RAB28: variants seen among roughly 807,000 people sequenced by gnomAD.
RAB28 encodes RAB28, member RAS oncogene family, also known as ras-related protein Rab-28.
Under a neutral mutation model 31.7 loss-of-function variants are expected in RAB28, and 24 were observed. That is an observed-to-expected ratio of 0.76 (90% CI 0.55 to 1.06). The LOEUF (loss-of-function observed/expected upper bound fraction) is 1.06. Ranked by LOEUF, RAB28 falls within the 50% of genes least tolerant of loss-of-function variation. RAB28 has a pLI of 0.00. For synonymous variants in RAB28, 100 were observed against 90.4 expected (o/e 1.11, Z -0.60); for missense variants, 254 against 258.5 (o/e 0.98, Z 0.12).
intron 4 of RAB28, among the ~76,000 whole-genome samples, chr4:13,430,866 A>C (rs1318378137): frequency 6.6e-6 from 1 of 152,126 alleles, no homozygotes. Context: ...AGCCCACCAA[A>C]ACCCACCTTG....
intron 4 of RAB28, among the ~76,000 whole-genome samples, chr4:13,425,071 C>A (rs1039616769): frequency 2.0e-5 from 3 of 152,156 alleles, no homozygotes; most frequent in Admixed American, 6.6e-5. Context: ...TGAGTTGTTG[C>A]TAAATCCAGC....
intron 4 of RAB28, among the ~76,000 whole-genome samples, chr4:13,420,983 C>T (rs1250747745): frequency 6.6e-6 from 1 of 152,154 alleles, no homozygotes; most frequent in East Asian, 1.9e-4. Flanking sequence ...TTGCAGATGA[C>T]ATGATTGTAT....
chr4:13,380,086 C>T (rs1484197691), intron 5 of RAB28, among the ~76,000 whole-genome samples: 1 of 151,970 alleles, frequency 6.6e-6, no homozygotes, highest in Non-Finnish European at 1.5e-5. Flanking sequence ...GGTAGAAGCC[C>T]AGTGAATCCA....
chr4:13,413,489 G>C (rs1031863211), intron 4 of RAB28, among the ~76,000 whole-genome samples: 4 of 152,096 alleles, frequency 2.6e-5, no homozygotes, highest in Non-Finnish European at 5.9e-5. Context: ...TTTGTAAAAA[G>C]AAGACTACTC....
chr4:13,477,445 T>C (rs541032894), intron 2 of RAB28, among the ~76,000 whole-genome samples: 1 of 151,782 alleles, frequency 6.6e-6, no homozygotes, highest in East Asian at 1.9e-4. Context: ...CAGCTAATGA[T>C]ACATTAATCA....
intron 4 of RAB28, among the ~76,000 whole-genome samples, chr4:13,396,037 A>C (rs747301916): frequency 6.6e-6 from 1 of 152,094 alleles, no homozygotes; most frequent in Non-Finnish European, 1.5e-5. Context: ...TAAAATTATA[A>C]ACTATTTTTG....
intron 2 of RAB28, among the ~76,000 whole-genome samples, chr4:13,479,220 G>A (rs1716496899): frequency 6.6e-6 from 1 of 151,636 alleles, no homozygotes; most frequent in Non-Finnish European, 1.5e-5. Context: ...CAGGGAAGGA[G>A]TGGGAGAGTA....
intron 4 of RAB28, among the ~76,000 whole-genome samples, chr4:13,439,353 T>C (rs759290611): frequency 2.0e-5 from 3 of 152,192 alleles, no homozygotes; most frequent in East Asian, 1.9e-4. Flanking sequence ...CAAGGTCATA[T>C]TGGTTTTGTT....
chr4:13,410,890 C>A (rs181540739), intron 4 of RAB28, among the ~76,000 whole-genome samples: 262 of 152,060 alleles, frequency 1.7e-3, no homozygotes, highest in African/African-American at 5.9e-3. Context: ...GCTCAAATGC[C>A]TGTGTAATAG....
chr4:13,441,377 A>G (rs1714407987), intron 4 of RAB28, among the ~76,000 whole-genome samples: 1 of 152,242 alleles, frequency 6.6e-6, no homozygotes, highest in African/African-American at 2.4e-5. Context: ...AATTAAATAC[A>G]GACCACAATA....
intron 6 of RAB28, chr4:13,369,762 G>T: frequency 9.4e-7 from 1 of 1,067,742 alleles, no homozygotes; most frequent in Non-Finnish European, 1.2e-6. Context: ...TTCCAATAAT[G>T]TACAATAATC....
chr4:13,381,850 C>T (rs1729146212), intron 4 of RAB28, among the ~76,000 whole-genome samples: 1 of 149,870 alleles, frequency 6.7e-6, no homozygotes, highest in Admixed American at 6.6e-5. Context: ...CACAGAAGTG[C>T]TAAAAAAAAA....
chr4:13,370,535 A>G (rs1010836450), intron 6 of RAB28: 5 of 884,834 alleles, frequency 5.7e-6, no homozygotes, highest in Admixed American at 6.2e-5. Context: ...TAACTAGTGG[A>G]CTTATAATAT....
At position 13,429,282 on chromosome 4, in the gene RAB28, G is replaced by C. The variant is rs562132459; in HGVS notation, c.391+31417C>G. On this transcript the variant is annotated intron_variant, in intron 4 of 6. Transcript: ENST00000330852. Reference sequence around the variant, plus strand: ...TTTATTCAATGAAGCTCTAGCTGGGGCAATTAAACAAGAAACAAATTAAAA... The same window carrying C: ...TTTATTCAATGAAGCTCTAGCTGGGCCAATTAAACAAGAAACAAATTAAAA... Among the ~76,000 whole-genome samples the C allele has an allele frequency of 9.2e-5, 14 of 152,016 alleles. No homozygotes were observed. The East Asian group carries it at 2.7e-3, about 29-fold the overall frequency.
intron 4 of RAB28, 24 bp downstream of exon 4, chr4:13,460,675 C>T (rs1359466738): frequency 1.2e-6 from 2 of 1,613,552 alleles, no homozygotes; most frequent in Middle Eastern, 1.7e-4. Flanking sequence ...CTGTACCATA[C>T]ATAAACAAGC....
rs150030959 is a variant in RAB28 at position 13,414,740 on chromosome 4, C to CA, written c.392-33147dup. Among the ~76,000 whole-genome samples, 1,224 of 152,052 alleles carry CA rather than the reference C, an allele frequency of 8.0e-3. 17 individuals are homozygous for CA. Among genetic ancestry groups the CA allele is most frequent in the African/African-American group, 0.028 (1,149 of 41,514 alleles). On this transcript the variant is annotated intron_variant, in intron 4 of 6. Coordinates refer to ENST00000330852, the MANE Select transcript of RAB28 (RefSeq NM_001017979.3). ...GTATATAAAAGAAAATATGCTGTGACAAAAAAAGTTTAATTTAGGAATTAC... is the reference window on the plus strand; with the variant it reads ...GTATATAAAAGAAAATATGCTGTGACAAAAAAAAGTTTAATTTAGGAATTAC...
intron 6 of RAB28, among the ~76,000 whole-genome samples, chr4:13,372,114 T>C (rs1728737889): frequency 6.6e-6 from 1 of 152,088 alleles, no homozygotes; most frequent in South Asian, 2.1e-4. Context: ...TGTCATTCAT[T>C]CAAAGCCAAC....
chr4:13,384,096 T>G (rs539214414), intron 4 of RAB28, among the ~76,000 whole-genome samples: 1 of 151,986 alleles, frequency 6.6e-6, no homozygotes, highest in Non-Finnish European at 1.5e-5. Context: ...CTCCAGAGCC[T>G]CACCCCTGCA....
At chr4:13,457,589 T>A (rs1369706699) in intron 4 of RAB28, among the ~76,000 whole-genome samples, 1 of 151,188 alleles carries the variant, frequency 6.6e-6, no homozygotes, top group African/African-American at 2.4e-5. Flanking sequence ...GTTATAGCTA[T>A]GCCAAAAGTA....
Sources: gnomAD v4.1 joint callset for allele counts (sites outside exome capture counted in the v4.1 genomes callset) on GRCh38, gnomAD v4.1.1 for gene constraint, MANE v1.5 for transcripts, NCBI Gene and HGNC (gene_info 2026-07-23, HGNC 2026-07-21) for gene names.